Variants in CYP3A7 observed in about 807,000 individuals in gnomAD.
The protein encoded by CYP3A7 is cytochrome P450 family 3 subfamily A member 7, also known as cytochrome P450 3A7.
In CYP3A7, 45 loss-of-function variants were observed where a neutral mutation model predicts 55.2. That is an observed-to-expected ratio of 0.82 (90% confidence interval 0.64 to 1.05). The LOEUF is 1.05. CYP3A7 is among the 50% of genes least tolerant of loss of function. The pLI is 0.00. For synonymous variants in CYP3A7, 180 were observed against 207.4 expected (o/e 0.87, Z 1.13); for missense variants, 548 against 605.3 (o/e 0.91, Z 0.99).
At position 99,717,027 on chromosome 7, in the gene CYP3A7, C is replaced by G; in HGVS notation, c.521+150G>C. ...GCCCCACCTCCTCATCGGAGCTGCC[C>G]CATCTTGGGAGACCCATTGAAGTTG... On this transcript the variant is annotated intron_variant, in intron 6 of 12. Coordinates refer to ENST00000336374, the MANE Select transcript of CYP3A7 (RefSeq NM_000765.5). The G allele has an allele frequency of 5.3e-6, 4 of 760,154 alleles. No individual in the cohort carries two copies. The East Asian group carries it at 1.1e-4, about 20-fold the overall frequency. 47.1% of individuals were successfully genotyped at this position (760,154 alleles called of 1,614,324 possible). A position where few individuals can be genotyped will look rare whatever the true frequency, so the allele number is the denominator to read the frequency against.
At position 99,732,864 on chromosome 7, in the gene CYP3A7, G is replaced by A. The variant is rs1584527496; in HGVS notation, c.72-1712C>T. 5.9e-5 allele frequency among the ~76,000 whole-genome samples: 9 copies of A among 152,198 alleles called. 1 individual carries two copies. The highest frequency in any genetic ancestry group is 5.9e-4 in the Admixed American group (9 of 15,278). ...TACCTTCCTGTTGATAGCAAAAGAT[G>A]GAGTATTCCACATAAGTAACCATAA... On this transcript the variant is annotated intron_variant, in intron 1 of 12. Transcript: ENST00000336374.
chr7:99,705,458 G>A lies in CYP3A7; in HGVS notation c.*42C>T, dbSNP rs532834834. Reference sequence around the variant, plus strand: ...AATTTGAGGTCTCTGGTGTTCTGGGGCACAGCTTTCTTAAAGAGCAAACCA... The same window carrying A: ...AATTTGAGGTCTCTGGTGTTCTGGGACACAGCTTTCTTAAAGAGCAAACCA... On this transcript the variant is annotated 3_prime_UTR_variant, in exon 13 of 13. Coordinates refer to ENST00000336374, the MANE Select transcript of CYP3A7 (RefSeq NM_000765.5). The A allele has an allele frequency of 1.2e-6, 2 of 1,601,530 alleles. No individual in the cohort carries two copies. Among genetic ancestry groups the A allele is most frequent in the African/African-American group, 1.3e-5 (1 of 74,700 alleles).
intron 8 of CYP3A7, 38 bp from the exon 9 acceptor site, chr7:99,713,573 A>G: frequency 1.2e-6 from 2 of 1,612,464 alleles, no homozygotes; most frequent in Non-Finnish European, 1.7e-6. Flanking sequence ...ACAGAAAGTG[A>G]CTCGTGAAGT....
chr7:99,706,001 C>A (rs1265497156), intron 12 of CYP3A7, among the ~76,000 whole-genome samples: 1 of 152,124 alleles, frequency 6.6e-6, no homozygotes, highest in East Asian at 1.9e-4. Context: ...GCAAGGTAAT[C>A]CTGAGTAGCT....
chr7:99,710,763 T>C lies in CYP3A7; in HGVS notation c.995A>G (p.Gln332Arg). 6.2e-7 allele frequency: 1 copy of C among 1,613,950 alleles called. No homozygotes were observed. Among genetic ancestry groups the C allele is most frequent in the South Asian group, 1.1e-5 (1 of 91,090 alleles). The change falls in exon 10 of 13, where the codon CAG (glutamine) becomes CGG (arginine). Residue 332 changes from glutamine to arginine, a missense_variant. Coordinates refer to ENST00000336374, the MANE Select transcript of CYP3A7 (RefSeq NM_000765.5). ...GGGTAAAACTGTATCAATTTCCTTC[T>C]GCACTTTCTGCTGGACATCAGGGTG... ...ATHPDVQQKV[Q>R]KEIDTVLPNK...
intron 3 of CYP3A7, among the ~76,000 whole-genome samples, chr7:99,722,051 T>C (rs979060237): frequency 3.9e-5 from 6 of 152,212 alleles, no homozygotes; most frequent in African/African-American, 1.4e-4. Context: ...TCATATTTTC[T>C]GTGGAACATC....
chr7:99,718,231 C>G (rs1814048052), intron 4 of CYP3A7, among the ~76,000 whole-genome samples: 1 of 151,994 alleles, frequency 6.6e-6, no homozygotes, highest in Non-Finnish European at 1.5e-5. Flanking sequence ...ATGTAACAAA[C>G]CTGCACGTTG....
intron 6 of CYP3A7, among the ~76,000 whole-genome samples, 182 bp downstream of exon 6, chr7:99,716,995 T>C (rs1238565297): frequency 6.6e-6 from 1 of 152,224 alleles, no homozygotes; most frequent in Non-Finnish European, 1.5e-5. Context: ...ATCCTTTTCC[T>C]CCAGCTGCCC....
At chr7:99,707,683 C>A in intron 12 of CYP3A7, 129 bp downstream of exon 12, 1 of 1,467,170 alleles carries the variant, frequency 6.8e-7, no homozygotes, top group Non-Finnish European at 9.3e-7. Context: ...TAGATGGGTC[C>A]AAATAGATTC....
intron 6 of CYP3A7, 35 bp downstream of exon 6, chr7:99,717,142 A>T: frequency 6.2e-7 from 1 of 1,612,854 alleles, no homozygotes; most frequent in Non-Finnish European, 8.5e-7. Context: ...GGGGCTCATG[A>T]CAGCTCAGAA....
chr7:99,710,822 A>G lies in CYP3A7; in HGVS notation c.936T>C (p.Ser312=). The G allele has an allele frequency of 6.2e-7, 1 of 1,613,854 alleles. No individual in the cohort carries two copies. The highest frequency in any genetic ancestry group is 1.3e-5 in the African/African-American group (1 of 75,020). ...GTTCATATATAATGAAGGAGAGAACACTGCTCGTGGTTTCATAGCCAGCAA... is the reference window on the plus strand; with the variant it reads ...GTTCATATATAATGAAGGAGAGAACGCTGCTCGTGGTTTCATAGCCAGCAA... ...FIFAGYETTS[S]VLSFIIYELA... The change falls in exon 10 of 13, where the codon AGT becomes AGC. Residue 312 remains serine (S), a synonymous_variant. Coordinates refer to ENST00000336374, the MANE Select transcript of CYP3A7 (RefSeq NM_000765.5).
chr7:99,720,202 A>C, intron 4 of CYP3A7, 111 bp downstream of exon 4: 2 of 1,381,026 alleles, frequency 1.4e-6, no homozygotes, highest in Non-Finnish European at 2.0e-6. Context: ...TGAAGTGTAC[A>C]TGGAACCTTC....
At chr7:99,724,645 C>T (rs1814337432) in intron 2 of CYP3A7, among the ~76,000 whole-genome samples, 1 of 152,032 alleles carries the variant, frequency 6.6e-6, no homozygotes, top group African/African-American at 2.4e-5. Flanking sequence ...AGAAGTATCA[C>T]CTCCCCTCCT....
rs1302523965 is a variant in CYP3A7, at chr7:99,722,286, G to C, written c.218+10C>G. On this transcript the variant is annotated intron_variant, in intron 3 of 12. Transcript: ENST00000336374. Reference sequence around the variant, plus strand: ...CAAGTCTATCCAATGGAATCTTCCAGAATACTCACCCCCAGACTTTTCTAT... The same window carrying C: ...CAAGTCTATCCAATGGAATCTTCCACAATACTCACCCCCAGACTTTTCTAT... 1 of 1,613,538 alleles carries C rather than the reference G, an allele frequency of 6.2e-7. No homozygotes were observed. The highest frequency in any genetic ancestry group is 8.5e-7 in the Non-Finnish European group (1 of 1,179,642).
In CYP3A7 at chr7:99,710,767, C is replaced by G; in HGVS notation, c.991G>C (p.Val331Leu). The change falls in exon 10 of 13, where the codon GTG becomes CTG. Residue 331 changes from valine (V) to leucine (L), a missense_variant. By Grantham distance (32) the Val-to-Leu change is conservative. Coordinates refer to ENST00000336374, the MANE Select transcript of CYP3A7 (RefSeq NM_000765.5). ...AAAACTGTATCAATTTCCTTCTGCA[C>G]TTTCTGCTGGACATCAGGGTGAGTG... ...LATHPDVQQK[V>L]QKEIDTVLPN... The G allele has an allele frequency of 6.2e-7, 1 of 1,613,902 alleles. No homozygotes were observed. Among genetic ancestry groups the G allele is most frequent in the East Asian group, 2.2e-5 (1 of 44,852 alleles).
At chr7:99,713,635 C>CCTTGGTCTCCAGATTT in intron 8 of CYP3A7, 100 bp from the exon 9 acceptor site, 2 of 1,519,618 alleles carry the variant, frequency 1.3e-6, no homozygotes, top group South Asian at 2.3e-5. Flanking sequence ...GAATATAGCC[C>CCTTGGTCTCCAGATTT]CTTGGAGACC....
chr7:99,709,667 G>A (rs2034459738), intron 10 of CYP3A7, among the ~76,000 whole-genome samples: 1 of 152,054 alleles, frequency 6.6e-6, no homozygotes, highest in African/African-American at 2.4e-5. Flanking sequence ...GATAGAAAAA[G>A]CAAATTCTCT....
chr7:99,705,977 G>A (rs780988826), intron 12 of CYP3A7, among the ~76,000 whole-genome samples: 1 of 152,166 alleles, frequency 6.6e-6, no homozygotes, highest in Non-Finnish European at 1.5e-5. Context: ...TTAATTTTGT[G>A]TATGTTGAAA....
intron 12 of CYP3A7, among the ~76,000 whole-genome samples, chr7:99,705,883 A>C (rs1813502849): frequency 6.6e-6 from 1 of 152,192 alleles, no homozygotes; most frequent in Non-Finnish European, 1.5e-5. Context: ...TTTTGATTTA[A>C]ATTTTAACGA....
Sources: gnomAD v4.1 joint callset for allele counts (sites outside exome capture counted in the v4.1 genomes callset) on GRCh38, gnomAD v4.1.1 for gene constraint, MANE v1.5 for transcripts, NCBI Gene and HGNC (gene_info 2026-07-23, HGNC 2026-07-21) for gene names.